Variants in AKR1B15 observed in about 807,000 individuals in gnomAD.
AKR1B15 encodes aldo-keto reductase family 1 member B15, also known as estradiol 17-beta-dehydrogenase AKR1B15.
AKR1B15 carries 49 observed loss-of-function variants against 38.5 expected under a neutral mutation model. That is an observed-to-expected ratio of 1.27 (90% CI 1.01 to 1.62). AKR1B15 has a LOEUF of 1.62. Among genes scored for constraint, AKR1B15 ranks in the 40% most tolerant of loss-of-function variants. AKR1B15 has a pLI of 0.00. For synonymous variants in AKR1B15, 137 were observed against 135.5 expected, an observed-to-expected ratio of 1.01 and a Z score of -0.08; for missense variants, 411 against 381.6, an observed-to-expected ratio of 1.08 and a Z score of -0.64.
chr7:134,555,722 T>C (rs547184276), intron 1 of AKR1B15, among the ~76,000 whole-genome samples: 2 of 152,222 alleles, frequency 1.3e-5, no homozygotes, highest in Admixed American at 6.5e-5. Context: ...CTGCCGATCA[T>C]GAGAGCAGGG....
chr7:134,576,258 G>T, intron 8 of AKR1B15, 91 bp from the exon 9 acceptor site: 1 of 1,348,844 alleles, frequency 7.4e-7, no homozygotes, highest in Non-Finnish European at 1.0e-6. Flanking sequence ...GAGAGGCTCT[G>T]ATGATCAGTC....
At position 134,562,874 on chromosome 7, in the gene AKR1B15, CTTTCTTTCTTTCTTTCCTTCT is replaced by C. The variant is rs1562947079; in HGVS notation, c.-22-1721_-22-1701del. On this transcript the variant is annotated intron_variant, in intron 2 of 11. Coordinates refer to ENST00000457545, the MANE Select transcript of AKR1B15 (RefSeq NM_001080538.3). ...TCTTTCTTTCTTTCTTTCTTTCTTT[CTTTCTTTCTTTCTTTCCTTCT>C]TTCTTCCTTCCTTCTTTCCTTCCTT... Among the ~76,000 whole-genome samples the C allele has an allele frequency of 2.3e-3, 317 of 138,948 alleles. 1 individual carries two copies. Among genetic ancestry groups the C allele is most frequent in the African/African-American group, 8.6e-3 (308 of 35,872 alleles). 91.2% of individuals were successfully genotyped at this position (138,948 alleles called of 152,430 possible).
intron 6 of AKR1B15, among the ~76,000 whole-genome samples, chr7:134,574,627 A>G (rs1023599540): frequency 6.6e-6 from 1 of 152,248 alleles, no homozygotes; most frequent in Non-Finnish European, 1.5e-5. Context: ...ACTTCTGGGC[A>G]GGATCTAGAA....
intron 1 of AKR1B15, among the ~76,000 whole-genome samples, chr7:134,556,046 A>G (rs1258745994): frequency 6.6e-6 from 1 of 152,228 alleles, no homozygotes; most frequent in East Asian, 1.9e-4. Context: ...ACTCAATGGT[A>G]TTACAGCATG....
chr7:134,576,229 C>G, intron 8 of AKR1B15, 120 bp from the exon 9 acceptor site: 3 of 1,166,230 alleles, frequency 2.6e-6, no homozygotes, highest in Non-Finnish European at 3.7e-6. Flanking sequence ...TCCAGGTCCT[C>G]CTGCCTGTCT....
chr7:134,564,942 C>A, intron 3 of AKR1B15, 173 bp downstream of exon 3: 1 of 451,330 alleles, frequency 2.2e-6, no homozygotes, highest in Non-Finnish European at 3.9e-6. Context: ...CTGTGTCTAG[C>A]TAAAGGATTG....
At chr7:134,554,297 G>T (rs1435244297) in intron 1 of AKR1B15, among the ~76,000 whole-genome samples, 1 of 152,068 alleles carries the variant, frequency 6.6e-6, no homozygotes, top group Non-Finnish European at 1.5e-5. Flanking sequence ...TGCCCTCTGT[G>T]TCCTTTCCAC....
intron 2 of AKR1B15, among the ~76,000 whole-genome samples, chr7:134,560,564 C>T (rs1264517986): frequency 1.3e-5 from 2 of 152,184 alleles, no homozygotes; most frequent in Non-Finnish European, 2.9e-5. Flanking sequence ...AAAGATATCC[C>T]TCCTCACTGA....
intron 8 of AKR1B15, 126 bp downstream of exon 8, chr7:134,576,053 T>C: frequency 6.8e-7 from 1 of 1,463,042 alleles, no homozygotes; most frequent in African/African-American, 1.4e-5. Context: ...ACACGTTTGG[T>C]ACACACAAAT....
intron 1 of AKR1B15, among the ~76,000 whole-genome samples, chr7:134,554,217 C>T (rs1794108076): frequency 2.0e-5 from 3 of 152,224 alleles, no homozygotes; most frequent in South Asian, 2.1e-4. Flanking sequence ...GGCCATTGCT[C>T]GTGGTAACCA....
intron 1 of AKR1B15, 92 bp from the exon 2 acceptor site, chr7:134,556,644 C>T (rs926969171): frequency 6.6e-6 from 1 of 152,154 alleles, no homozygotes; most frequent in African/African-American, 2.4e-5. Flanking sequence ...TGGACCTCTC[C>T]TATGCATGTT....
At chr7:134,579,198 C>T (rs1426808591) in intron 11 of AKR1B15, among the ~76,000 whole-genome samples, 1 of 152,142 alleles carries the variant, frequency 6.6e-6, no homozygotes, top group East Asian at 1.9e-4. Context: ...CTGTTGTTTC[C>T]TACCTCATGA....
At chr7:134,577,563 T>A in intron 10 of AKR1B15, 141 bp from the exon 11 acceptor site, 1 of 895,982 alleles carries the variant, frequency 1.1e-6, no homozygotes. Flanking sequence ...AAAATTTGTA[T>A]CCCTTGGACA....
In AKR1B15 at chr7:134,575,460, T is replaced by A; in HGVS notation, c.554T>A (p.Leu185His). ...ELVDEGLVKA[L>H]GVSNFNHFQI... Reference sequence around the variant, plus strand: ...GTGGACGAGGGGCTGGTGAAAGCCCTTGGGGTCTCAAATTTCAACCACTTC... The same window carrying A: ...GTGGACGAGGGGCTGGTGAAAGCCCATGGGGTCTCAAATTTCAACCACTTC... Residue 185 changes from leucine (L) to histidine (H), a missense_variant, in exon 7 of 12, where the codon CTT (leucine) becomes CAT (histidine). This residue lies in a region of AKR1B15 where 254 missense variants were observed against 212.4 expected (regional missense o/e 1.20). Transcript: ENST00000457545. 2 of 1,613,902 alleles carry A rather than the reference T, an allele frequency of 1.2e-6. No individual in the cohort carries two copies. Among genetic ancestry groups the A allele is most frequent in the Non-Finnish European group, 1.7e-6 (2 of 1,179,826 alleles).
chr7:134,555,091 T>G lies in AKR1B15; in HGVS notation c.-146-1645T>G, dbSNP rs191547987. On this transcript the variant is annotated intron_variant, in intron 1 of 11. Coordinates refer to ENST00000457545, the MANE Select transcript of AKR1B15 (RefSeq NM_001080538.3). ...GGTTTTCACCTTTTGAAATCATGTA[T>G]GGAAGGGCTCCGCCTATCTTGCCTA... Among the ~76,000 whole-genome samples the G allele has an allele frequency of 3.2e-3, 491 of 152,324 alleles. 2 individuals carry two copies. The highest frequency in any genetic ancestry group is 0.01 in the Middle Eastern group (3 of 294).
intron 6 of AKR1B15, among the ~76,000 whole-genome samples, 178 bp downstream of exon 6, chr7:134,571,859 A>C (rs1794675978): frequency 6.6e-6 from 1 of 152,166 alleles, no homozygotes; most frequent in Non-Finnish European, 1.5e-5. Context: ...GATACTATTT[A>C]TATTTCAAGC....
At chr7:134,559,503 C>A (rs947954990) in intron 2 of AKR1B15, among the ~76,000 whole-genome samples, 3 of 152,140 alleles carry the variant, frequency 2.0e-5, no homozygotes, top group African/African-American at 7.2e-5. Flanking sequence ...CGGACCATGG[C>A]CCAAGAGCCC....
chr7:134,579,660 T>G lies in AKR1B15; in HGVS notation c.*111T>G. On this transcript the variant is annotated 3_prime_UTR_variant, in exon 12 of 12. Coordinates refer to ENST00000457545, the MANE Select transcript of AKR1B15 (RefSeq NM_001080538.3). ...AGCTTATCTGAGATCACAGTGAACTTTGTCCTGTTGTAGACCAGAATGGAG... is the reference window on the plus strand; with the variant it reads ...AGCTTATCTGAGATCACAGTGAACTGTGTCCTGTTGTAGACCAGAATGGAG... 2.0e-6 allele frequency: 2 copies of G among 999,526 alleles called. No homozygotes were observed. Among genetic ancestry groups the G allele is most frequent in the South Asian group, 3.5e-5 (2 of 57,928 alleles). 61.9% of individuals were successfully genotyped at this position (999,526 alleles called of 1,614,324 possible).
chr7:134,577,052 T>C lies in AKR1B15; in HGVS notation c.909+6T>C, dbSNP rs1206480685. The stretch of plus-strand genomic sequence containing the variant: ...ACATTGTTGAGAACATTCAGGTAAG[T>C]TTCCGGCTGGTCGGGCCTGGTATTC... On this transcript the variant is annotated splice_donor_region_variant and intron_variant, in intron 10 of 11. Transcript: ENST00000457545. 1.9e-6 allele frequency: 3 copies of C among 1,612,522 alleles called. No individual in the cohort carries two copies. The highest frequency in any genetic ancestry group is 2.5e-6 in the Non-Finnish European group (3 of 1,178,794).
Sources: gnomAD v4.1 joint callset for allele counts (sites outside exome capture counted in the v4.1 genomes callset) on GRCh38, gnomAD v4.1.1 for gene constraint, gnomAD v4.1.1 regional missense constraint, MANE v1.5 for transcripts, NCBI Gene and HGNC (gene_info 2026-07-23, HGNC 2026-07-21) for gene names.